Variants in DRC11 observed in about 807,000 individuals in gnomAD.
The protein encoded by DRC11 is IQ and AAA domain-containing protein 1.
At chr2:236,380,683 G>T in the DRC11 span, 2 of 1,373,548 alleles carry the variant, frequency 1.5e-6, no homozygotes, top group Non-Finnish European at 2.0e-6. This position sits in a 1 kb window ranked among gnomAD's most constrained non-coding sequence, Gnocchi z 4.9. Context: ...AAACAAGCAA[G>T]CAAATAAGTC....
the DRC11 span, among the ~76,000 whole-genome samples, chr2:236,380,204 A>T: frequency 1.6e-4 from 25 of 152,210 alleles, no homozygotes; most frequent in Admixed American, 1.6e-3. This position sits in a 1 kb window ranked among gnomAD's most constrained non-coding sequence, Gnocchi z 4.9. Flanking sequence ...GGCAGGAGCA[A>T]CGGCCTCAGC....
the DRC11 span, among the ~76,000 whole-genome samples, chr2:236,488,953 G>A: frequency 6.6e-6 from 1 of 151,284 alleles, no homozygotes; most frequent in Admixed American, 6.6e-5. Context: ...TGGGCTCCAG[G>A]TACATGCTGG....
the DRC11 span, among the ~76,000 whole-genome samples, chr2:236,404,169 AAAAAAAAAAAGAAAAAG>A: frequency 6.6e-6 from 1 of 151,476 alleles, no homozygotes; most frequent in Non-Finnish European, 1.5e-5. Context: ...GTTAAAAAAA[AAAAAAAAAAAGAAAAAG>A]AAAAAGAAAA....
the DRC11 span, among the ~76,000 whole-genome samples, chr2:236,499,615 G>A: frequency 6.6e-6 from 1 of 152,162 alleles, no homozygotes; most frequent in Non-Finnish European, 1.5e-5. The surrounding 1 kb of genome is among the most constrained non-coding windows in gnomAD (Gnocchi z 4.7). Context: ...TTTTAGTAGA[G>A]ATGGGGGTTT....
At chr2:236,399,854 T>C in the DRC11 span, among the ~76,000 whole-genome samples, 2 of 152,198 alleles carry the variant, frequency 1.3e-5, no homozygotes, top group African/African-American at 2.4e-5. The surrounding 1 kb of genome is among the most constrained non-coding windows in gnomAD (Gnocchi z 7.0). Flanking sequence ...TAGCTGGGAC[T>C]GCAGGTGTGC....
chr2:236,491,079 A>G, the DRC11 span, among the ~76,000 whole-genome samples: 1 of 135,090 alleles, frequency 7.4e-6, no homozygotes, highest in East Asian at 2.1e-4. Context: ...ATATACCCCA[A>G]GAAGAATATA....
At chr2:236,486,480 GA>G in the DRC11 span, among the ~76,000 whole-genome samples, 1,872 of 142,176 alleles carry the variant, frequency 0.013, 33 homozygotes, top group African/African-American at 0.043. The surrounding 1 kb of genome is among the most constrained non-coding windows in gnomAD (Gnocchi z 5.7). Context: ...ACCAGCACCA[GA>G]AAAAAAAAAA....
At chr2:236,377,595 A>G in the DRC11 span, among the ~76,000 whole-genome samples, 2 of 152,218 alleles carry the variant, frequency 1.3e-5, no homozygotes, top group African/African-American at 4.8e-5. The surrounding 1 kb of genome is among the most constrained non-coding windows in gnomAD (Gnocchi z 4.9). Context: ...CCTTTGTGAA[A>G]TTTATGTTTC....
chr2:236,487,329 C>T, the DRC11 span, among the ~76,000 whole-genome samples: 1 of 152,196 alleles, frequency 6.6e-6, no homozygotes, highest in Non-Finnish European at 1.5e-5. Context: ...AGAAAACAGA[C>T]TCTTATCCAT....
chr2:236,505,845 C>T, the DRC11 span, among the ~76,000 whole-genome samples: 2 of 152,226 alleles, frequency 1.3e-5, no homozygotes, highest in African/African-American at 4.8e-5. Context: ...TTCCCTTCCA[C>T]ACACAAACAT....
chr2:236,415,596 A>C, the DRC11 span, among the ~76,000 whole-genome samples: 1 of 152,216 alleles, frequency 6.6e-6, no homozygotes. The surrounding 1 kb of genome is among the most constrained non-coding windows in gnomAD (Gnocchi z 5.7). Flanking sequence ...GTCACTATGC[A>C]GATCTGCATT....
At chr2:236,332,633 G>C in the DRC11 span, 2 of 152,214 alleles carry the variant, frequency 1.3e-5, no homozygotes, top group African/African-American at 4.8e-5. The surrounding 1 kb of genome is among the most constrained non-coding windows in gnomAD (Gnocchi z 5.1). Flanking sequence ...TTCTGAGTCT[G>C]TTAAATGACT....
the DRC11 span, among the ~76,000 whole-genome samples, chr2:236,431,961 T>C: frequency 1.5e-3 from 228 of 152,336 alleles, no homozygotes; most frequent in African/African-American, 5.4e-3. The surrounding 1 kb of genome is among the most constrained non-coding windows in gnomAD (Gnocchi z 4.2). Flanking sequence ...AGAGAAGAAT[T>C]GCTAGGTCCT....
the DRC11 span, among the ~76,000 whole-genome samples, chr2:236,466,690 A>G: frequency 1.3e-5 from 2 of 152,138 alleles, no homozygotes; most frequent in Non-Finnish European, 2.9e-5. Context: ...AACTGAGAGA[A>G]TTCACTCATC....
chr2:236,409,042 C>A, the DRC11 span: 4 of 613,596 alleles, frequency 6.5e-6, no homozygotes, highest in South Asian at 5.5e-5. Context: ...AGCCGAGGGA[C>A]CCATGTCTGG....
At chr2:236,316,028 C>CA in the DRC11 span, among the ~76,000 whole-genome samples, 68 of 152,286 alleles carry the variant, frequency 4.5e-4, no homozygotes, top group African/African-American at 1.6e-3. This position sits in a 1 kb window ranked among gnomAD's most constrained non-coding sequence, Gnocchi z 6.8. Context: ...CTATTAGCAA[C>CA]AATAGTGTCA....
chr2:236,320,524 G>A, the DRC11 span, among the ~76,000 whole-genome samples: 1 of 152,138 alleles, frequency 6.6e-6, no homozygotes, highest in East Asian at 1.9e-4. Flanking sequence ...GTCTCTGAAC[G>A]CAGGTGTTTG....
chr2:236,351,141 G>A, the DRC11 span, among the ~76,000 whole-genome samples: 5 of 152,192 alleles, frequency 3.3e-5, no homozygotes, highest in African/African-American at 7.2e-5. This position sits in a 1 kb window ranked among gnomAD's most constrained non-coding sequence, Gnocchi z 7.3. Flanking sequence ...ATTTACAGAA[G>A]AGCTTGGTAT....
the DRC11 span, among the ~76,000 whole-genome samples, chr2:236,407,636 T>C: frequency 6.6e-6 from 1 of 152,170 alleles, no homozygotes; most frequent in Non-Finnish European, 1.5e-5. Flanking sequence ...CTCCTATTGA[T>C]TTTGTTTCTC....
Sources: allele counts gnomAD v4.1 joint callset (sites outside exome capture counted in the v4.1 genomes callset), GRCh38; gene constraint gnomAD v4.1.1; non-coding constraint Gnocchi (gnomAD v3.1); transcripts MANE v1.5; gene names NCBI Gene and HGNC (gene_info 2026-07-23, HGNC 2026-07-21).